GNA14: variants seen among roughly 807,000 people sequenced by gnomAD.
The protein encoded by GNA14 is guanine nucleotide-binding protein subunit alpha-14.
A neutral mutation model predicts 42.0 loss-of-function variants in GNA14; 50 were observed. The ratio of observed to expected loss-of-function variants is 1.19; its 90% CI spans 0.95 to 1.51. The LOEUF (loss-of-function observed/expected upper bound fraction) is 1.51, where lower values mean the gene tolerates loss of function less well. Ranked by LOEUF, GNA14 falls within the 40% of genes most tolerant of loss-of-function variation. The pLI, the probability that GNA14 is intolerant of heterozygous loss-of-function variation, is 0.00. For missense variants in GNA14, 473 were observed against 446.2 expected, an observed-to-expected ratio of 1.06 and a Z score of -0.54; for synonymous variants, 173 against 163.1, an observed-to-expected ratio of 1.06 and a Z score of -0.46.
chr9:77,624,449 T>A (rs561852147), intron 1 of GNA14, among the ~76,000 whole-genome samples: 24 of 152,220 alleles, frequency 1.6e-4, no homozygotes, highest in Non-Finnish European at 3.2e-4. Flanking sequence ...CTCAAGTGGG[T>A]CCCTGACTCC....
intron 1 of GNA14, among the ~76,000 whole-genome samples, chr9:77,608,172 A>T (rs1441572086): frequency 6.6e-6 from 1 of 152,210 alleles, no homozygotes; most frequent in Non-Finnish European, 1.5e-5. Context: ...AAGCCTTAGC[A>T]TCTAATCGAA....
chr9:77,560,444 G>T lies in GNA14; in HGVS notation c.125-31191C>A, dbSNP rs963603059. Among the ~76,000 whole-genome samples, 3 of 151,936 alleles carry T rather than the reference G, an allele frequency of 2.0e-5. No individual in the cohort carries two copies. The East Asian group carries it at 5.8e-4, about 29-fold the overall frequency. On this transcript the variant is annotated intron_variant, in intron 1 of 6. Transcript: ENST00000341700. The stretch of plus-strand genomic sequence containing the variant: ...GCTGGGACCACAGGTGCACGACACA[G>T]GTGCCTGGCTAATTATGTTGTTTTT...
chr9:77,570,250 T>G (rs1380033178), intron 1 of GNA14, among the ~76,000 whole-genome samples: 1 of 152,220 alleles, frequency 6.6e-6, no homozygotes, highest in Non-Finnish European at 1.5e-5. Flanking sequence ...ACTATCAAGT[T>G]TACCCATTTA....
At chr9:77,597,816 G>A (rs564082936) in intron 1 of GNA14, among the ~76,000 whole-genome samples, 85 of 152,062 alleles carry the variant, frequency 5.6e-4, no homozygotes, top group African/African-American at 1.9e-3. Context: ...ATCCATCCCA[G>A]CACTTTGGGA....
At chr9:77,608,737 T>G (rs914560383) in intron 1 of GNA14, among the ~76,000 whole-genome samples, 6 of 151,090 alleles carry the variant, frequency 4.0e-5, no homozygotes, top group African/African-American at 9.8e-5. Flanking sequence ...ATCCTGTTTT[T>G]TTTTTTTTTT....
intron 2 of GNA14, among the ~76,000 whole-genome samples, chr9:77,504,547 AAAG>A (rs1188107529): frequency 5.9e-4 from 67 of 113,480 alleles, no homozygotes; most frequent in African/African-American, 7.4e-4. Context: ...AAAAAAAAAA[AAAG>A]AGAGAGAGAG....
At chr9:77,608,395 A>G (rs993874902) in intron 1 of GNA14, among the ~76,000 whole-genome samples, 1 of 152,168 alleles carries the variant, frequency 6.6e-6, no homozygotes, top group African/African-American at 2.4e-5. Context: ...TTTAGATGGT[A>G]TTTAGATGAG....
chr9:77,456,176 C>T (rs1835996217), intron 2 of GNA14: 1 of 109,076 alleles, frequency 9.2e-6, no homozygotes, highest in Non-Finnish European at 2.0e-5. Flanking sequence ...ACAGATGAGG[C>T]CTAGAGAAGA....
At chr9:77,644,015 T>C (rs528956266) in intron 1 of GNA14, among the ~76,000 whole-genome samples, 2 of 152,332 alleles carry the variant, frequency 1.3e-5, no homozygotes, top group East Asian at 3.9e-4. Context: ...ACACCAGTGT[T>C]TCTGGCTGAA....
chr9:77,549,126 G>C (rs969785368), intron 1 of GNA14, among the ~76,000 whole-genome samples: 1 of 152,070 alleles, frequency 6.6e-6, no homozygotes, highest in African/African-American at 2.4e-5. Flanking sequence ...GCAGAGACAG[G>C]GTTTCACCAT....
Position 77,583,831 on chromosome 9 carries a change from C to A in GNA14, c.125-54578G>T, listed in dbSNP as rs1053703924. 5.3e-5 allele frequency among the ~76,000 whole-genome samples: 8 copies of A among 152,290 alleles called. No individual in the cohort carries two copies. The South Asian group carries it at 1.7e-3, about 32-fold the overall frequency. On this transcript the variant is annotated intron_variant, in intron 1 of 6. Coordinates refer to ENST00000341700, the MANE Select transcript of GNA14 (RefSeq NM_004297.4). ...GTCAGCATTTCTAACACACCCCCAG[C>A]CAAAGCCATTGCCTCAGCTCGGAGG...
intron 1 of GNA14, among the ~76,000 whole-genome samples, chr9:77,560,681 C>T (rs1472478329): frequency 6.6e-6 from 1 of 152,112 alleles, no homozygotes; most frequent in Non-Finnish European, 1.5e-5. Flanking sequence ...GGTAATATCA[C>T]CTTACCCTGG....
chr9:77,485,280 G>T (rs1328682863), intron 2 of GNA14, among the ~76,000 whole-genome samples: 1 of 152,054 alleles, frequency 6.6e-6, no homozygotes, highest in Non-Finnish European at 1.5e-5. Context: ...CACTTTCTTT[G>T]CTCATCCATA....
intron 2 of GNA14, among the ~76,000 whole-genome samples, chr9:77,477,195 A>T (rs1047834876): frequency 8.5e-5 from 13 of 152,068 alleles, no homozygotes; most frequent in African/African-American, 1.9e-4. Context: ...TGTCTCTACT[A>T]AAAATACAAA....
At chr9:77,587,680 G>A (rs1823327008) in intron 1 of GNA14, among the ~76,000 whole-genome samples, 2 of 152,048 alleles carry the variant, frequency 1.3e-5, no homozygotes, top group African/African-American at 4.8e-5. Flanking sequence ...TTTCTTTCTG[G>A]GCTGATGAAA....
chr9:77,457,694 C>T (rs564827898), intron 2 of GNA14, among the ~76,000 whole-genome samples: 4 of 152,240 alleles, frequency 2.6e-5, no homozygotes, highest in South Asian at 2.1e-4. Flanking sequence ...CACCTTCATC[C>T]GGGCTATAGA....
At position 77,431,322 on chromosome 9, in the gene GNA14, G is replaced by A. The variant is rs753556211; in HGVS notation, c.592C>T (p.Arg198Trp). The A allele has an allele frequency of 3.8e-5, 62 of 1,613,210 alleles. No homozygotes were observed. Among genetic ancestry groups the A allele is most frequent in the South Asian group, 2.1e-4 (19 of 91,006 alleles). Reference sequence around the variant, plus strand: ...GGTACATCAGGGAGACAGACTTACCGAAAGATGATGTTTTCCAAGTCAAAT... The same window carrying A: ...GGTACATCAGGGAGACAGACTTACCAAAAGATGATGTTTTCCAAGTCAAAT... ...YPFDLENIIF[R>W]MVDVGGQRSE... The change falls in exon 4 of 7, where the codon CGG becomes TGG. Residue 198 changes from arginine (R) to tryptophan (W), a missense_variant and splice_region_variant. Transcript: ENST00000341700.
intron 1 of GNA14, among the ~76,000 whole-genome samples, chr9:77,546,215 C>CAAAAA (rs764378681): frequency 2.6e-4 from 11 of 42,904 alleles, no homozygotes; most frequent in East Asian, 6.2e-4. Flanking sequence ...AGCTCCATCT[C>CAAAAA]AAAAAAAAAA....
intron 2 of GNA14, among the ~76,000 whole-genome samples, chr9:77,513,703 T>G (rs1314724087): frequency 6.6e-6 from 1 of 152,168 alleles, no homozygotes; most frequent in African/African-American, 2.4e-5. Context: ...CCCTGCTGGG[T>G]GAGGCCTGAG....
Sources: allele counts gnomAD v4.1 joint callset (sites outside exome capture counted in the v4.1 genomes callset), GRCh38; gene constraint gnomAD v4.1.1; transcripts MANE v1.5; gene names NCBI Gene and HGNC (gene_info 2026-07-23, HGNC 2026-07-21).